The following CSMD1 variants were observed in gnomAD, a reference collection of about 807,000 sequenced individuals.
The protein encoded by CSMD1 is CUB and Sushi multiple domains 1, also known as CUB and sushi domain-containing protein 1.
Under a neutral mutation model 417.5 loss-of-function variants are expected in CSMD1, and 213 were observed. That is an observed-to-expected ratio of 0.51 (90% CI 0.46 to 0.57). CSMD1 has a LOEUF of 0.57. Among genes scored for constraint, CSMD1 ranks in the 20% least tolerant of loss-of-function variants. The pLI is 0.00. For synonymous variants in CSMD1, 2,862 were observed against 1,736.8 expected (o/e 1.65, Z -16.11); for missense variants, 6,923 against 4,529.7 (o/e 1.53, Z -15.17).
At position 4,479,981 on chromosome 8, in the gene CSMD1, T is replaced by A. The variant is rs1002989820; in HGVS notation, c.303-59916A>T. ...TCTCTGTCTCAAAAAAAAAAAAAAA[T>A]AAAAAGTCAACAAAAAAAAGCAAAC... On this transcript the variant is annotated intron_variant, in intron 2 of 69. Transcript: ENST00000635120. Among the ~76,000 whole-genome samples, 347 of 143,498 alleles carry A rather than the reference T, an allele frequency of 2.4e-3. 1 individual carries two copies. Among genetic ancestry groups the A allele is most frequent in the African/African-American group, 7.2e-3 (278 of 38,602 alleles). 94.1% of individuals were successfully genotyped at this position (143,498 alleles called of 152,430 possible).
At chr8:4,232,898 G>A (rs145482213) in intron 3 of CSMD1, among the ~76,000 whole-genome samples, 1 of 152,114 alleles carries the variant, frequency 6.6e-6, no homozygotes, top group Non-Finnish European at 1.5e-5. Flanking sequence ...AGGAGGAAAA[G>A]GATATTGAAA....
At chr8:3,900,871 C>A (rs1049127251) in intron 5 of CSMD1, among the ~76,000 whole-genome samples, 1 of 152,236 alleles carries the variant, frequency 6.6e-6, no homozygotes, top group African/African-American at 2.4e-5. Context: ...CAGCCAGCTG[C>A]ATGCCGTGCT....
At chr8:4,024,210 G>C (rs913944820) in intron 4 of CSMD1, among the ~76,000 whole-genome samples, 3 of 152,076 alleles carry the variant, frequency 2.0e-5, no homozygotes, top group Non-Finnish European at 4.4e-5. Flanking sequence ...AGAAGACATG[G>C]GAAACAGAAG....
chr8:4,388,301 GAT>G, intron 3 of CSMD1, among the ~76,000 whole-genome samples: 1 of 87,542 alleles, frequency 1.1e-5, no homozygotes, highest in Admixed American at 1.2e-4. Flanking sequence ...AAGAAACTGT[GAT>G]ACACACACAC....
chr8:4,219,486 C>T (rs545460721), intron 3 of CSMD1, among the ~76,000 whole-genome samples: 6 of 152,176 alleles, frequency 3.9e-5, no homozygotes, highest in Non-Finnish European at 8.8e-5. Context: ...GAATTTCCTT[C>T]CGTCTCTTGG....
chr8:3,590,921 T>TG (rs1800817647), intron 8 of CSMD1, among the ~76,000 whole-genome samples: 1 of 152,218 alleles, frequency 6.6e-6, no homozygotes, highest in African/African-American at 2.4e-5. Flanking sequence ...TATAATAAAC[T>TG]AAGTTTTCAC....
chr8:3,945,439 G>C, intron 5 of CSMD1, among the ~76,000 whole-genome samples: 1 of 151,968 alleles, frequency 6.6e-6, no homozygotes, highest in East Asian at 1.9e-4. Context: ...AACTTCAATA[G>C]TCTAACTGCT....
intron 1 of CSMD1, among the ~76,000 whole-genome samples, chr8:4,899,034 C>A (rs1421807321): frequency 6.6e-6 from 1 of 152,086 alleles, no homozygotes; most frequent in Non-Finnish European, 1.5e-5. Flanking sequence ...ACAATCGACT[C>A]CTTTGGGGAC....
chr8:4,279,207 A>AACACACACAC (rs111435983), intron 3 of CSMD1, among the ~76,000 whole-genome samples: 27 of 152,070 alleles, frequency 1.8e-4, no homozygotes, highest in African/African-American at 5.3e-4. Flanking sequence ...TATACACACT[A>AACACACACAC]ACACACACAC....
chr8:4,477,078 G>A (rs1471219707), intron 2 of CSMD1, among the ~76,000 whole-genome samples: 2 of 152,180 alleles, frequency 1.3e-5, no homozygotes, highest in African/African-American at 4.8e-5. Flanking sequence ...TCAGGGAGAG[G>A]GAAGAGCAGG....
At chr8:3,158,195 T>G (rs1819653195) in intron 38 of CSMD1, among the ~76,000 whole-genome samples, 1 of 152,212 alleles carries the variant, frequency 6.6e-6, no homozygotes, top group Non-Finnish European at 1.5e-5. Flanking sequence ...AAACAAAATC[T>G]TGCAATGTCC....
At chr8:4,888,440 T>A (rs1024674928) in intron 1 of CSMD1, among the ~76,000 whole-genome samples, 5 of 152,032 alleles carry the variant, frequency 3.3e-5, no homozygotes, top group African/African-American at 1.2e-4. Context: ...ACATATGATA[T>A]ACATATATAT....
chr8:3,736,610 G>C (rs1265950564), intron 6 of CSMD1, among the ~76,000 whole-genome samples: 1 of 152,120 alleles, frequency 6.6e-6, no homozygotes, highest in South Asian at 2.1e-4. Flanking sequence ...TGCAACACCA[G>C]GCAATGGCAG....
intron 3 of CSMD1, among the ~76,000 whole-genome samples, chr8:4,129,117 A>G (rs895298021): frequency 6.7e-6 from 1 of 149,190 alleles, no homozygotes; most frequent in Non-Finnish European, 1.5e-5. Context: ...CAGAATTTTT[A>G]TTGTTGTTGT....
At chr8:4,757,846 C>T (rs1811763673) in intron 1 of CSMD1, among the ~76,000 whole-genome samples, 1 of 150,836 alleles carries the variant, frequency 6.6e-6, no homozygotes, top group African/African-American at 2.4e-5. Context: ...GTAATCCCAG[C>T]TACTGGGGAA....
intron 1 of CSMD1, among the ~76,000 whole-genome samples, chr8:4,698,068 A>G (rs1015030747): frequency 6.6e-6 from 1 of 152,024 alleles, no homozygotes; most frequent in Non-Finnish European, 1.5e-5. Flanking sequence ...ATATTAAGTG[A>G]AGTTCCCAAA....
intron 5 of CSMD1, among the ~76,000 whole-genome samples, chr8:3,849,877 G>T (rs749209630): frequency 3.9e-5 from 6 of 152,008 alleles, no homozygotes; most frequent in Non-Finnish European, 7.4e-5. Flanking sequence ...GTACAGTGGC[G>T]CAATCTCAGC....
At chr8:3,423,432 C>A (rs886139784) in intron 12 of CSMD1, among the ~76,000 whole-genome samples, 1 of 152,218 alleles carries the variant, frequency 6.6e-6, no homozygotes, top group Non-Finnish European at 1.5e-5. Flanking sequence ...ATAGGGTACA[C>A]ACATTTTTGT....
At chr8:4,434,904 G>C (rs1231267222) in intron 2 of CSMD1, among the ~76,000 whole-genome samples, 6 of 152,120 alleles carry the variant, frequency 3.9e-5, no homozygotes, top group African/African-American at 9.7e-5. Context: ...TATTTTGTCA[G>C]CACATGACTC....
Sources: gnomAD v4.1 joint callset for allele counts (sites outside exome capture counted in the v4.1 genomes callset) on GRCh38, gnomAD v4.1.1 for gene constraint, MANE v1.5 for transcripts, NCBI Gene and HGNC (gene_info 2026-07-23, HGNC 2026-07-21) for gene names.